ZNRF3: variants seen among roughly 807,000 people sequenced by gnomAD.
The protein encoded by ZNRF3 is E3 ubiquitin-protein ligase ZNRF3.
ZNRF3 carries 23 observed loss-of-function variants against 72.5 expected under a neutral mutation model. That is an observed-to-expected ratio of 0.32 (90% CI 0.23 to 0.45). The LOEUF is 0.45. ZNRF3 is among the 20% of genes least tolerant of loss of function. The pLI is 1.00. For synonymous variants in ZNRF3, 610 were observed against 545.3 expected, an observed-to-expected ratio of 1.12 and a Z score of -1.65; for missense variants, 1,169 against 1,272.1, an observed-to-expected ratio of 0.92 and a Z score of 1.23.
chr22:28,994,176 CTTTTTTTTT>C (rs57329565), intron 2 of ZNRF3, among the ~76,000 whole-genome samples: 34 of 39,810 alleles, frequency 8.5e-4, no homozygotes, highest in South Asian at 4.0e-3. Context: ...CAGTTCCTTT[CTTTTTTTTT>C]TTTTTTTTTT....
chr22:28,886,681 A>C (rs2033793235), intron 1 of ZNRF3, among the ~76,000 whole-genome samples: 2 of 152,192 alleles, frequency 1.3e-5, no homozygotes, highest in Non-Finnish European at 2.9e-5. Context: ...AATAGTAGCC[A>C]GGCATGGTGA....
At chr22:28,962,780 G>A (rs2035387958) in intron 1 of ZNRF3, among the ~76,000 whole-genome samples, 1 of 152,244 alleles carries the variant, frequency 6.6e-6, no homozygotes, top group Admixed American at 6.5e-5. Flanking sequence ...AATGTTCTGT[G>A]TTGTGGTTGC....
At chr22:28,991,527 T>C (rs2035954722) in intron 2 of ZNRF3, among the ~76,000 whole-genome samples, 1 of 152,120 alleles carries the variant, frequency 6.6e-6, no homozygotes, top group South Asian at 2.1e-4. Context: ...GTGGGGGCTC[T>C]GTGAGATATT....
At chr22:28,918,853 A>G (rs1031243577) in intron 1 of ZNRF3, among the ~76,000 whole-genome samples, 7 of 152,188 alleles carry the variant, frequency 4.6e-5, no homozygotes, top group Non-Finnish European at 8.8e-5. Context: ...AACGCTGGGC[A>G]TGAAGTCAGT....
chr22:28,977,100 G>C (rs1416992165), intron 1 of ZNRF3, among the ~76,000 whole-genome samples: 2 of 152,192 alleles, frequency 1.3e-5, no homozygotes, highest in Admixed American at 1.3e-4. Flanking sequence ...GAATGAAATA[G>C]GTATAGAGGC....
At chr22:28,967,896 A>T (rs186659673) in intron 1 of ZNRF3, among the ~76,000 whole-genome samples, 2 of 150,988 alleles carry the variant, frequency 1.3e-5, no homozygotes. Context: ...ACTACACTCC[A>T]GCCTAGGTGA....
intron 1 of ZNRF3, among the ~76,000 whole-genome samples, chr22:28,930,004 G>A (rs1416577678): frequency 6.6e-6 from 1 of 152,012 alleles, no homozygotes; most frequent in Non-Finnish European, 1.5e-5. Flanking sequence ...AAATGAAAAT[G>A]TACATTTCTG....
intron 1 of ZNRF3, among the ~76,000 whole-genome samples, chr22:28,901,797 C>T (rs758438673): frequency 1.3e-5 from 2 of 149,652 alleles, no homozygotes; most frequent in Non-Finnish European, 2.9e-5. Context: ...CGCAATACCA[C>T]GCCTGGCTAA....
intron 1 of ZNRF3, among the ~76,000 whole-genome samples, chr22:28,949,126 C>T (rs1383327998): frequency 2.0e-5 from 3 of 152,058 alleles, no homozygotes; most frequent in South Asian, 2.1e-4. Context: ...ATTACAGGCA[C>T]GCGCCACCAC....
intron 2 of ZNRF3, among the ~76,000 whole-genome samples, chr22:29,038,175 A>G (rs2036898129): frequency 6.6e-6 from 1 of 152,122 alleles, no homozygotes; most frequent in African/African-American, 2.4e-5. Context: ...GTGAACTCCT[A>G]ATTAGGGTCT....
chr22:28,984,105 T>A (rs2035812737), intron 1 of ZNRF3, among the ~76,000 whole-genome samples: 1 of 151,030 alleles, frequency 6.6e-6, no homozygotes, highest in Non-Finnish European at 1.5e-5. Flanking sequence ...AGTAAGCTCT[T>A]AGGACAGTTG....
chr22:28,990,588 G>A (rs187211166), intron 2 of ZNRF3, among the ~76,000 whole-genome samples: 1 of 152,186 alleles, frequency 6.6e-6, no homozygotes, highest in African/African-American at 2.4e-5. Flanking sequence ...GGAGTCTGAG[G>A]CAGGAGAATT....
At chr22:28,944,822 AG>A in intron 1 of ZNRF3, among the ~76,000 whole-genome samples, 1 of 151,136 alleles carries the variant, frequency 6.6e-6, no homozygotes, top group East Asian at 1.9e-4. Flanking sequence ...GCTACTCTGG[AG>A]GCTGAGGCAG....
At chr22:28,918,140 G>A (rs2034441567) in intron 1 of ZNRF3, among the ~76,000 whole-genome samples, 1 of 152,150 alleles carries the variant, frequency 6.6e-6, no homozygotes, top group South Asian at 2.1e-4. Context: ...GGCGAAGTGT[G>A]GGGACTCAAA....
At chr22:28,924,000 G>A (rs547695479) in intron 1 of ZNRF3, among the ~76,000 whole-genome samples, 16 of 152,252 alleles carry the variant, frequency 1.1e-4, no homozygotes, top group African/African-American at 1.9e-4. Context: ...GCTTTGCCCC[G>A]GGCGGGAACC....
At chr22:28,921,222 C>A (rs117753131) in intron 1 of ZNRF3, among the ~76,000 whole-genome samples, 4 of 152,290 alleles carry the variant, frequency 2.6e-5, no homozygotes, top group East Asian at 1.9e-4. Flanking sequence ...AAGCCCCCCC[C>A]ACCCCTAGTA....
chr22:29,050,124 C>G lies in ZNRF3; in HGVS notation c.1943C>G (p.Pro648Arg), dbSNP rs749545064. The G allele has an allele frequency of 1.9e-6, 3 of 1,606,630 alleles. No individual in the cohort carries two copies. Among genetic ancestry groups the G allele is most frequent in the South Asian group, 1.1e-5 (1 of 91,068 alleles). Residue 648 changes from proline to arginine, a missense_variant, in exon 8 of 9, where the codon CCG becomes CGG. Physicochemically the swap from Pro to Arg is moderately radical, Grantham distance 103. Coordinates refer to ENST00000544604, the MANE Select transcript of ZNRF3 (RefSeq NM_001206998.2). Reference protein sequence around the residue: ...SHGAGRGEPWPGPASPSGDQV... With the variant: ...SHGAGRGEPWRGPASPSGDQV... ...GGTGCTGGGCGGGGCGAGCCTTGGC[C>G]GGGCCCTGCCTCTCCCTCGGGGGAT... is the stretch of plus-strand genomic sequence containing the variant.
intron 1 of ZNRF3, among the ~76,000 whole-genome samples, chr22:28,909,437 AT>A (rs924069358): frequency 1.8e-4 from 27 of 146,924 alleles, no homozygotes; most frequent in South Asian, 2.2e-4. Context: ...TTTTCATGGT[AT>A]TTTTTTTTTT....
chr22:28,971,839 T>C (rs1456014682), intron 1 of ZNRF3, among the ~76,000 whole-genome samples: 1 of 152,168 alleles, frequency 6.6e-6, no homozygotes, highest in Non-Finnish European at 1.5e-5. Context: ...CCCAAGCAGC[T>C]GGGATTACAG....
Sources: gnomAD v4.1 joint callset for allele counts (sites outside exome capture counted in the v4.1 genomes callset) on GRCh38, gnomAD v4.1.1 for gene constraint, MANE v1.5 for transcripts, NCBI Gene and HGNC (gene_info 2026-07-23, HGNC 2026-07-21) for gene names.